The following FSTL1 variants were observed in gnomAD, a reference collection of about 807,000 sequenced individuals.
FSTL1 encodes follistatin like 1.
In FSTL1, 24 loss-of-function variants were observed where a neutral mutation model predicts 45.9. The ratio of observed to expected loss-of-function variants is 0.52; its 90% CI spans 0.38 to 0.74. FSTL1 has a LOEUF of 0.74. FSTL1 is among the 30% of genes least tolerant of loss of function. The pLI is 0.00. For synonymous variants in FSTL1, 120 were observed against 137.6 expected (o/e 0.87, Z 0.89); for missense variants, 340 against 381.8 (o/e 0.89, Z 0.91).
At chr3:120,415,390 T>C (rs1167602883) in intron 3 of FSTL1, among the ~76,000 whole-genome samples, 1 of 152,222 alleles carries the variant, frequency 6.6e-6, no homozygotes, top group Non-Finnish European at 1.5e-5. Context: ...ATGAGTTAAA[T>C]GAGTTAAAAG....
intron 1 of FSTL1, 53 bp from the exon 2 acceptor site, chr3:120,450,799 T>G: frequency 7.5e-7 from 1 of 1,333,974 alleles, no homozygotes; most frequent in Non-Finnish European, 1.0e-6. Context: ...CGCGCTGACC[T>G]GGGAAACTTG....
intron 2 of FSTL1, among the ~76,000 whole-genome samples, chr3:120,447,725 T>C (rs1937787867): frequency 6.6e-6 from 1 of 152,254 alleles, no homozygotes; most frequent in Non-Finnish European, 1.5e-5. Flanking sequence ...CACGGCTCAC[T>C]GCAGCCTCAA....
At chr3:120,410,914 T>A in intron 5 of FSTL1, 38 bp downstream of exon 5, 1 of 1,500,236 alleles carries the variant, frequency 6.7e-7, no homozygotes, top group Non-Finnish European at 9.3e-7. Flanking sequence ...AAGAATGTCC[T>A]CCCTGAGATG....
chr3:120,431,698 T>A (rs948207059), intron 2 of FSTL1, among the ~76,000 whole-genome samples: 48 of 152,072 alleles, frequency 3.2e-4, no homozygotes, highest in Admixed American at 3.1e-3. Flanking sequence ...ATAAAAATAG[T>A]TCTGAGTTCT....
intron 2 of FSTL1, among the ~76,000 whole-genome samples, chr3:120,417,040 G>A (rs1205542866): frequency 6.6e-6 from 1 of 152,166 alleles, no homozygotes; most frequent in African/African-American, 2.4e-5. Flanking sequence ...CATCCTGACT[G>A]GCTGGGCAGG....
intron 2 of FSTL1, among the ~76,000 whole-genome samples, chr3:120,434,353 A>G (rs1464271905): frequency 6.6e-6 from 1 of 152,192 alleles, no homozygotes; most frequent in Non-Finnish European, 1.5e-5. Flanking sequence ...TCCATTCTAG[A>G]GTCACTACCA....
chr3:120,416,103 C>T (rs1167450627), intron 2 of FSTL1, 76 bp from the exon 3 acceptor site: 17 of 1,085,158 alleles, frequency 1.6e-5, no homozygotes, highest in African/African-American at 3.1e-5. Context: ...ATGAGATTAT[C>T]TTTCAGGCTT....
At position 120,402,818 on chromosome 3, in the gene FSTL1, C is replaced by T. The variant is rs369840425; in HGVS notation, c.795G>A (p.Met265Ile). The stretch of plus-strand genomic sequence containing the variant: ...TGAAGCACAGCTCACCGTCACAGGT[C>T]ATGGCTGTACAGACCCAATTTCCAC... ...CACGNWVCTA[M>I]TCDGKNQKGA... Residue 265 changes from methionine to isoleucine, a missense_variant, in exon 9 of 11, where the codon ATG (methionine) becomes ATA (isoleucine). Met to Ile is a conservative substitution (Grantham distance 10). Transcript: ENST00000295633. 2 of 1,588,686 alleles carry T rather than the reference C, an allele frequency of 1.3e-6. No homozygotes were observed. Among genetic ancestry groups the T allele is most frequent in the Non-Finnish European group, 1.7e-6 (2 of 1,156,982 alleles).
chr3:120,442,798 A>G (rs867190422), intron 2 of FSTL1, among the ~76,000 whole-genome samples: 109 of 136,678 alleles, frequency 8.0e-4, no homozygotes, highest in African/African-American at 3.6e-3. Flanking sequence ...GAAAAAAAAA[A>G]AAAAAAAAAA....
intron 3 of FSTL1, 168 bp downstream of exon 3, chr3:120,415,755 T>G: frequency 2.0e-6 from 1 of 510,084 alleles, no homozygotes; most frequent in Non-Finnish European, 3.5e-6. Context: ...AAAATATCCA[T>G]GCTTTAAAAA....
At chr3:120,429,088 C>T (rs972620528) in intron 2 of FSTL1, among the ~76,000 whole-genome samples, 2 of 152,250 alleles carry the variant, frequency 1.3e-5, no homozygotes, top group Non-Finnish European at 2.9e-5. Flanking sequence ...CATGCTTGGG[C>T]TTCATGGCTG....
intron 2 of FSTL1, among the ~76,000 whole-genome samples, chr3:120,430,869 T>G (rs775307798): frequency 1.3e-5 from 2 of 152,234 alleles, no homozygotes; most frequent in Non-Finnish European, 2.9e-5. Flanking sequence ...TAATAAGAGA[T>G]AACTCAAGAC....
chr3:120,428,163 A>T (rs1173708417), intron 2 of FSTL1, among the ~76,000 whole-genome samples: 2 of 152,102 alleles, frequency 1.3e-5, no homozygotes, highest in African/African-American at 4.8e-5. Context: ...GGGGATCTCT[A>T]ACTACTCCCC....
chr3:120,426,414 T>C (rs1167096054), intron 2 of FSTL1, among the ~76,000 whole-genome samples: 1 of 151,954 alleles, frequency 6.6e-6, no homozygotes, highest in South Asian at 2.1e-4. Flanking sequence ...AAGTGGAATG[T>C]AGGATTTATT....
At chr3:120,402,750 C>T in intron 9 of FSTL1, 58 bp downstream of exon 9, 1 of 1,078,678 alleles carries the variant, frequency 9.3e-7, no homozygotes, top group Non-Finnish European at 1.4e-6. Flanking sequence ...TTCTCTCATG[C>T]TGATTTCATG....
intron 10 of FSTL1, 102 bp downstream of exon 10, chr3:120,399,781 G>A: frequency 1.4e-6 from 1 of 737,560 alleles, no homozygotes; most frequent in Admixed American, 2.1e-5. Flanking sequence ...GTATTGAGCA[G>A]AGAGAGCCTC....
At chr3:120,447,511 G>A (rs182895723) in intron 2 of FSTL1, among the ~76,000 whole-genome samples, 5 of 152,308 alleles carry the variant, frequency 3.3e-5, no homozygotes, top group Admixed American at 2.6e-4. Context: ...GCTGGCTGAA[G>A]GTATATGCTG....
chr3:120,407,134 C>T (rs1340619366), intron 6 of FSTL1, among the ~76,000 whole-genome samples: 1 of 152,182 alleles, frequency 6.6e-6, no homozygotes, highest in Non-Finnish European at 1.5e-5. Flanking sequence ...TTTGAGGTAA[C>T]AAAACTTTTC....
At chr3:120,450,539 C>T (rs1272956395) in intron 2 of FSTL1, 145 bp downstream of exon 2, 2 of 509,584 alleles carry the variant, frequency 3.9e-6, no homozygotes, top group Non-Finnish European at 6.8e-6. Flanking sequence ...GCATTACTGC[C>T]CCAGCTCCAC....
Sources: gnomAD v4.1 joint callset for allele counts (sites outside exome capture counted in the v4.1 genomes callset) on GRCh38, gnomAD v4.1.1 for gene constraint, MANE v1.5 for transcripts, NCBI Gene and HGNC (gene_info 2026-07-23, HGNC 2026-07-21) for gene names.